Variants in CRPPA observed in about 807,000 individuals in gnomAD.
CRPPA encodes the protein CDP-L-ribitol pyrophosphorylase A, also known as D-ribitol-5-phosphate cytidylyltransferase.
Under a neutral mutation model 52.0 loss-of-function variants are expected in CRPPA, and 43 were observed. That is an observed-to-expected ratio of 0.83 (90% CI 0.65 to 1.07). The LOEUF (loss-of-function observed/expected upper bound fraction) is 1.07, where lower values mean the gene tolerates loss of function less well. CRPPA is among the 50% of genes least tolerant of loss of function. The pLI is 0.00. For synonymous variants in CRPPA, 250 were observed against 203.5 expected (o/e 1.23, Z -1.94); for missense variants, 629 against 551.7 (o/e 1.14, Z -1.40).
chr7:16,110,992 T>G (rs1120230), intron 9 of CRPPA, among the ~76,000 whole-genome samples: 48,774 of 151,846 alleles, frequency 0.32, 8,621 homozygotes, highest in Admixed American at 0.41. Context: ...ATCTACAGAT[T>G]GGGAGAAAAT....
At chr7:16,109,254 C>A (rs911711385) in intron 9 of CRPPA, among the ~76,000 whole-genome samples, 1 of 151,558 alleles carries the variant, frequency 6.6e-6, no homozygotes, top group Non-Finnish European at 1.5e-5. Flanking sequence ...CACAAAAATA[C>A]AAAGGGTAAG....
chr7:16,180,057 G>A (rs17150160), intron 9 of CRPPA, among the ~76,000 whole-genome samples: 3 of 152,036 alleles, frequency 2.0e-5, no homozygotes, highest in African/African-American at 7.2e-5. Context: ...AAGTCACGGA[G>A]ATAAATAAAA....
At chr7:16,365,307 A>G (rs1024651239) in intron 3 of CRPPA, among the ~76,000 whole-genome samples, 6 of 152,158 alleles carry the variant, frequency 3.9e-5, no homozygotes, top group Non-Finnish European at 8.8e-5. Context: ...ACAATACAAC[A>G]TTTTTGGATA....
intron 9 of CRPPA, among the ~76,000 whole-genome samples, chr7:16,195,494 C>T (rs892186635): frequency 1.3e-5 from 2 of 152,094 alleles, no homozygotes; most frequent in East Asian, 1.9e-4. Context: ...CAGGCATTTC[C>T]CAGAAGAGCT....
intron 2 of CRPPA, among the ~76,000 whole-genome samples, chr7:16,385,824 GC>G (rs1652390827): frequency 6.6e-6 from 1 of 152,140 alleles, no homozygotes; most frequent in East Asian, 1.9e-4. Flanking sequence ...CATCTGTTTG[GC>G]TGCCATACAC....
At chr7:16,230,259 A>G (rs1782758632) in intron 8 of CRPPA, among the ~76,000 whole-genome samples, 1 of 152,168 alleles carries the variant, frequency 6.6e-6, no homozygotes, top group Non-Finnish European at 1.5e-5. Flanking sequence ...CTGTGACTCA[A>G]AGATTGGCTC....
chr7:16,090,289 C>G lies in CRPPA; in HGVS notation c.*1406G>C, dbSNP rs1333711761. The G allele has an allele frequency of 6.6e-6, 1 of 152,008 alleles. No homozygotes were observed. Among genetic ancestry groups the G allele is most frequent in the African/African-American group, 2.4e-5 (1 of 41,372 alleles). The allele number at this position is 152,008 out of a possible 1,614,324, so 9.4% of individuals were successfully genotyped here. A position where few individuals can be genotyped will look rare whatever the true frequency, so the allele number is the denominator to read the frequency against. ...CTTGAACACTAGAGGGAAAATCACC[C>G]AACATGTTAAATAAAAATTCCACAA... On this transcript the variant is annotated 3_prime_UTR_variant, in exon 10 of 10. Transcript: ENST00000407010.
At chr7:16,285,674 C>T (rs1784410650) in intron 5 of CRPPA, among the ~76,000 whole-genome samples, 1 of 151,964 alleles carries the variant, frequency 6.6e-6, no homozygotes, top group South Asian at 2.1e-4. Context: ...CTGTTAATAC[C>T]TCAGTCAATG....
At chr7:16,363,297 A>C (rs1786506089) in intron 3 of CRPPA, among the ~76,000 whole-genome samples, 1 of 152,202 alleles carries the variant, frequency 6.6e-6, no homozygotes, top group African/African-American at 2.4e-5. Flanking sequence ...TTGCACTGCA[A>C]GTTAAGGACA....
At chr7:16,317,308 T>G (rs755621434) in intron 3 of CRPPA, among the ~76,000 whole-genome samples, 11 of 152,332 alleles carry the variant, frequency 7.2e-5, no homozygotes, top group Non-Finnish European at 1.5e-4. Flanking sequence ...GCACATCTGA[T>G]GTACCTGGTA....
intron 3 of CRPPA, among the ~76,000 whole-genome samples, chr7:16,362,909 C>T (rs1583549350): frequency 6.6e-6 from 1 of 152,248 alleles, no homozygotes; most frequent in East Asian, 1.9e-4. Flanking sequence ...CTTCCTCCAA[C>T]ACCAACTTCA....
chr7:16,413,593 T>A (rs1441817507), intron 1 of CRPPA, among the ~76,000 whole-genome samples: 1 of 152,256 alleles, frequency 6.6e-6, no homozygotes, highest in Non-Finnish European at 1.5e-5. Flanking sequence ...ATTCAAGTGA[T>A]CAACCTTGTT....
intron 9 of CRPPA, among the ~76,000 whole-genome samples, chr7:16,191,938 T>G (rs916597308): frequency 3.3e-5 from 5 of 152,136 alleles, no homozygotes; most frequent in Non-Finnish European, 2.9e-5. Context: ...AGAGATTGTA[T>G]GATTTGTTCA....
intron 2 of CRPPA, among the ~76,000 whole-genome samples, chr7:16,405,092 G>A (rs553048138): frequency 6.6e-6 from 1 of 151,418 alleles, no homozygotes; most frequent in South Asian, 2.1e-4. Context: ...TTCCTAAATA[G>A]GTTTTAAAGG....
At chr7:16,176,932 T>C (rs1418788760) in intron 9 of CRPPA, among the ~76,000 whole-genome samples, 4 of 152,100 alleles carry the variant, frequency 2.6e-5, no homozygotes, top group Non-Finnish European at 4.4e-5. Flanking sequence ...GTTGAGTAAA[T>C]CATTATATGG....
At chr7:16,258,183 A>G (rs940048917) in intron 8 of CRPPA, among the ~76,000 whole-genome samples, 2 of 152,098 alleles carry the variant, frequency 1.3e-5, no homozygotes, top group Non-Finnish European at 2.9e-5. Context: ...AGATTTCCAA[A>G]CCTGTCAGTT....
chr7:16,214,095 T>G (rs1782234816), intron 9 of CRPPA, among the ~76,000 whole-genome samples: 1 of 152,216 alleles, frequency 6.6e-6, no homozygotes, highest in Non-Finnish European at 1.5e-5. Context: ...AGAGGTTATT[T>G]TAAGTGATAA....
intron 2 of CRPPA, among the ~76,000 whole-genome samples, chr7:16,393,785 G>T (rs1466966117): frequency 6.6e-6 from 1 of 151,964 alleles, no homozygotes; most frequent in Non-Finnish European, 1.5e-5. Context: ...CATTCCGGAT[G>T]AAAGAAAATA....
At chr7:16,186,910 G>C (rs1781515670) in intron 9 of CRPPA, among the ~76,000 whole-genome samples, 1 of 152,152 alleles carries the variant, frequency 6.6e-6, no homozygotes, top group South Asian at 2.1e-4. Context: ...AACCTACGTG[G>C]AAAGTTTGCT....
Sources: allele counts gnomAD v4.1 joint callset (sites outside exome capture counted in the v4.1 genomes callset), GRCh38; gene constraint gnomAD v4.1.1; transcripts MANE v1.5; gene names NCBI Gene and HGNC (gene_info 2026-07-23, HGNC 2026-07-21).